The following RALYL variants were observed in gnomAD, a reference collection of about 807,000 sequenced individuals.
RALYL encodes RALY RNA binding protein like.
RALYL carries 29 observed loss-of-function variants against 35.1 expected under a neutral mutation model. The ratio of observed to expected loss-of-function variants is 0.83; its 90% CI spans 0.61 to 1.13. The LOEUF is 1.13. Among genes scored for constraint, RALYL ranks in the 50% most tolerant of loss-of-function variants. The pLI, the probability that RALYL is intolerant of heterozygous loss-of-function variation, is 0.00. For missense variants in RALYL, 359 were observed against 360.4 expected (o/e 1.00, Z 0.03); for synonymous variants, 120 against 127.6 (o/e 0.94, Z 0.40).
rs137867715 is a variant in RALYL, at chr8:84,784,519, C to T, written c.332+9865C>T. Among the ~76,000 whole-genome samples the T allele has an allele frequency of 3.3e-3, 500 of 152,250 alleles. 4 individuals are homozygous for T. Among genetic ancestry groups the T allele is most frequent in the Non-Finnish European group, 5.6e-3 (378 of 68,022 alleles). ...CCTAGTCCATTAAAGTTTGAAAATACTTATTACAAATCATAAGCTAGAAGA... is the reference window on the plus strand; with the variant it reads ...CCTAGTCCATTAAAGTTTGAAAATATTTATTACAAATCATAAGCTAGAAGA... On this transcript the variant is annotated intron_variant, in intron 3 of 8. Transcript: ENST00000521268.
At chr8:84,238,835 A>T (rs1344197057) in intron 1 of RALYL, among the ~76,000 whole-genome samples, 1 of 152,152 alleles carries the variant, frequency 6.6e-6, no homozygotes, top group Non-Finnish European at 1.5e-5. Context: ...GCTCACACTC[A>T]GTTTGTGACT....
intron 1 of RALYL, among the ~76,000 whole-genome samples, chr8:84,339,968 T>C (rs1299007372): frequency 6.6e-6 from 1 of 152,104 alleles, no homozygotes; most frequent in African/African-American, 2.4e-5. Flanking sequence ...TGGAAGGTAA[T>C]TTAATCATGG....
At chr8:84,296,290 G>A (rs1397302181) in intron 1 of RALYL, among the ~76,000 whole-genome samples, 2 of 152,076 alleles carry the variant, frequency 1.3e-5, no homozygotes, top group Non-Finnish European at 2.9e-5. Context: ...CTCAAAGGTA[G>A]TAATTATTCA....
At chr8:84,579,928 C>G (rs1273986907) in intron 2 of RALYL, among the ~76,000 whole-genome samples, 2 of 152,082 alleles carry the variant, frequency 1.3e-5, no homozygotes, top group South Asian at 4.1e-4. Flanking sequence ...AAGAAAGAAA[C>G]TGATGAAATT....
chr8:84,485,144 C>G (rs1007538364), intron 1 of RALYL, among the ~76,000 whole-genome samples: 1 of 152,050 alleles, frequency 6.6e-6, no homozygotes, highest in Admixed American at 6.6e-5. Context: ...ATTCTTAGTT[C>G]TATATACTCT....
chr8:84,246,662 C>G (rs1829164191), intron 1 of RALYL, among the ~76,000 whole-genome samples: 2 of 152,070 alleles, frequency 1.3e-5, no homozygotes, highest in Non-Finnish European at 2.9e-5. Flanking sequence ...AAGCAGGATC[C>G]TAAAGCAGAA....
At chr8:84,570,861 C>A (rs1226447347) in intron 2 of RALYL, among the ~76,000 whole-genome samples, 1 of 151,564 alleles carries the variant, frequency 6.6e-6, no homozygotes, top group South Asian at 2.1e-4. Context: ...ATATTTAATT[C>A]TGTTTATGCC....
At chr8:84,734,002 T>C (rs1296445667) in intron 2 of RALYL, among the ~76,000 whole-genome samples, 1 of 152,210 alleles carries the variant, frequency 6.6e-6, no homozygotes. Flanking sequence ...AAAGTATTAT[T>C]TTGTTGCAAA....
chr8:84,280,745 A>G (rs1341695480), intron 1 of RALYL, among the ~76,000 whole-genome samples: 1 of 150,246 alleles, frequency 6.7e-6, no homozygotes, highest in Non-Finnish European at 1.5e-5. Context: ...TACATATATA[A>G]CACATATATA....
chr8:84,912,402 A>G (rs1171149593), intron 8 of RALYL, among the ~76,000 whole-genome samples: 4 of 152,064 alleles, frequency 2.6e-5, no homozygotes, highest in Non-Finnish European at 5.9e-5. Context: ...AAATACAGAA[A>G]TCCAGTTTCA....
chr8:84,311,697 GAATA>G (rs1842847695), intron 1 of RALYL, among the ~76,000 whole-genome samples: 1 of 152,040 alleles, frequency 6.6e-6, no homozygotes, highest in Non-Finnish European at 1.5e-5. Flanking sequence ...TAAGAAAAAA[GAATA>G]AATAACTAAA....
intron 2 of RALYL, among the ~76,000 whole-genome samples, chr8:84,768,039 C>G (rs1305454327): frequency 6.6e-6 from 1 of 152,168 alleles, no homozygotes; most frequent in Non-Finnish European, 1.5e-5. Flanking sequence ...AGAAATAACA[C>G]CTTACTTTTT....
chr8:84,445,435 G>A (rs1020346898), intron 1 of RALYL, among the ~76,000 whole-genome samples: 32 of 151,816 alleles, frequency 2.1e-4, no homozygotes, highest in Admixed American at 1.7e-3. Flanking sequence ...AAGACAACTC[G>A]TCTCTTTTTT....
At chr8:84,631,064 G>T (rs945643854) in intron 2 of RALYL, among the ~76,000 whole-genome samples, 2 of 151,998 alleles carry the variant, frequency 1.3e-5, no homozygotes, top group African/African-American at 4.8e-5. Flanking sequence ...TGGAAGAAAA[G>T]TGTGATCATA....
At chr8:84,445,578 C>T (rs2048764484) in intron 1 of RALYL, among the ~76,000 whole-genome samples, 1 of 151,654 alleles carries the variant, frequency 6.6e-6, no homozygotes, top group Non-Finnish European at 1.5e-5. Context: ...AAGTTTTTCT[C>T]ACTTTCCATC....
At chr8:84,239,569 G>C (rs1033760346) in intron 1 of RALYL, among the ~76,000 whole-genome samples, 4 of 152,086 alleles carry the variant, frequency 2.6e-5, no homozygotes, top group African/African-American at 9.7e-5. Flanking sequence ...AAATCACTCA[G>C]ATAGTAGCTG....
chr8:84,264,569 T>C (rs761596525), intron 1 of RALYL, among the ~76,000 whole-genome samples: 3 of 151,904 alleles, frequency 2.0e-5, no homozygotes, highest in Non-Finnish European at 4.4e-5. Context: ...CTGTTCACTC[T>C]GATGATAGTT....
chr8:84,785,129 T>G (rs1819089010), intron 3 of RALYL, among the ~76,000 whole-genome samples: 1 of 152,150 alleles, frequency 6.6e-6, no homozygotes, highest in Non-Finnish European at 1.5e-5. Flanking sequence ...TGCTTTTTGT[T>G]TTTTATAATT....
At chr8:84,229,026 A>G (rs982447967) in intron 1 of RALYL, among the ~76,000 whole-genome samples, 3 of 152,190 alleles carry the variant, frequency 2.0e-5, no homozygotes, top group Non-Finnish European at 2.9e-5. Context: ...AGATGCATGT[A>G]AGCACTTCTG....
Sources: allele counts gnomAD v4.1 joint callset (sites outside exome capture counted in the v4.1 genomes callset), GRCh38; gene constraint gnomAD v4.1.1; transcripts MANE v1.5; gene names NCBI Gene and HGNC (gene_info 2026-07-23, HGNC 2026-07-21).